Variants in GCM1 observed in about 807,000 individuals in gnomAD.
The protein encoded by GCM1 is GCM transcription factor 1.
In GCM1, 2 loss-of-function variants were observed where a neutral mutation model predicts 25.7. The observed-to-expected ratio is 0.08, with a 90% confidence interval of 0.03 to 0.24. The LOEUF is 0.24. GCM1 is among the 10% of genes least tolerant of loss of function. The probability of loss-of-function intolerance (pLI) is 1.00; values close to 1 mark genes in which losing one functional copy is unlikely to be tolerated. For synonymous variants in GCM1, 183 were observed against 195.7 expected (o/e 0.94, Z 0.54); for missense variants, 395 against 538.7 (o/e 0.73, Z 2.64).
chr6:53,131,082 G>T, intron 4 of GCM1, 151 bp from the exon 5 acceptor site: 1 of 696,056 alleles, frequency 1.4e-6, no homozygotes, highest in East Asian at 2.6e-5. Context: ...CTCTGAAGGC[G>T]CTCCCAAGCC....
chr6:53,144,912 C>A (rs1301004261), intron 2 of GCM1, among the ~76,000 whole-genome samples: 3 of 72,862 alleles, frequency 4.1e-5, no homozygotes, highest in African/African-American at 1.5e-4. Flanking sequence ...CAGACCCTAC[C>A]TCAAAAAAAA....
chr6:53,142,000 G>GGAAAAAAAAAAAAAAAAAAA lies in GCM1; in HGVS notation c.75+3557_75+3558insTTTTTTTTTTTTTTTTTTTC, dbSNP rs1259951702. Among the ~76,000 whole-genome samples, 10 of 12,292 alleles carry GGAAAAAAAAAAAAAAAAAAA rather than the reference G, an allele frequency of 8.1e-4. 2 individuals are homozygous for GGAAAAAAAAAAAAAAAAAAA. The highest frequency in any genetic ancestry group is 1.3e-3 in the Non-Finnish European group (8 of 5,940). 8.1% of individuals were successfully genotyped at this position (12,292 alleles called of 152,430 possible). ...GCTTGGGTAATGAGAGTGAGACCCTGAAAAAAAAAAAAAAAAAAAAAAAAA... is the reference window on the plus strand; with the variant it reads ...GCTTGGGTAATGAGAGTGAGACCCTGGAAAAAAAAAAAAAAAAAAAAAAAAAAAAAAAAAAAAAAAAAAAA... On this transcript the variant is annotated intron_variant, in intron 2 of 5. Transcript: ENST00000259803.
intron 4 of GCM1, 116 bp from the exon 5 acceptor site, chr6:53,131,047 C>T: frequency 1.1e-6 from 1 of 917,700 alleles, no homozygotes; most frequent in Non-Finnish European, 1.7e-6. Flanking sequence ...GTTGCAGTTG[C>T]CTATGGTAAC....
intron 5 of GCM1, among the ~76,000 whole-genome samples, 180 bp downstream of exon 5, chr6:53,130,623 G>A (rs1763710136): frequency 6.6e-6 from 1 of 152,162 alleles, no homozygotes; most frequent in South Asian, 2.1e-4. Context: ...TACAAAGATG[G>A]TAGAAAGTAA....
intron 1 of GCM1, among the ~76,000 whole-genome samples, chr6:53,146,229 T>A (rs201717479): frequency 8.7e-5 from 8 of 92,224 alleles, no homozygotes; most frequent in African/African-American, 4.1e-4. Context: ...TTTTTTTTTT[T>A]TTTTTTTTGA....
At chr6:53,141,831 C>T (rs76195778) in intron 2 of GCM1, among the ~76,000 whole-genome samples, 1 of 150,672 alleles carries the variant, frequency 6.6e-6, no homozygotes, top group Non-Finnish European at 1.5e-5. Context: ...TGGCAAAACC[C>T]CATCTCTACT....
At position 53,141,928 on chromosome 6, in the gene GCM1, C is replaced by A. The variant is rs181075200; in HGVS notation, c.75+3630G>T. ...CTGGGTTGAGAGAATCACCTAAGCC[C>A]GGGAATTCAAGGCTGTGGTGAGCTA... On this transcript the variant is annotated intron_variant, in intron 2 of 5. Transcript: ENST00000259803. Among the ~76,000 whole-genome samples the A allele has an allele frequency of 1.8e-3, 239 of 132,254 alleles. 1 individual carries two copies. The highest frequency in any genetic ancestry group is 6.6e-3 in the African/African-American group (236 of 35,772). 86.8% of individuals were successfully genotyped at this position (132,254 alleles called of 152,430 possible). A position where few individuals can be genotyped will look rare whatever the true frequency, so the allele number is the denominator to read the frequency against.
intron 3 of GCM1, among the ~76,000 whole-genome samples, chr6:53,132,673 A>G (rs1487198790): frequency 1.3e-5 from 2 of 152,210 alleles, no homozygotes; most frequent in African/African-American, 2.4e-5. Context: ...GATGGCACCA[A>G]TGCATGCCAG....
intron 2 of GCM1, among the ~76,000 whole-genome samples, chr6:53,140,525 T>A (rs1763858570): frequency 1.7e-5 from 1 of 60,204 alleles, no homozygotes; most frequent in African/African-American, 5.9e-5. Flanking sequence ...GAATGTTCTC[T>A]CTACCAAAAA....
Position 53,145,561 on chromosome 6 carries a change from T to C in GCM1, c.72A>G (p.Pro24=), listed in dbSNP as rs374427292. The C allele has an allele frequency of 2.2e-5, 33 of 1,495,148 alleles. No homozygotes were observed. The Admixed American group carries it at 5.5e-4, about 25-fold the overall frequency. The allele number at this position is 1,495,148 out of a possible 1,614,324, so 92.6% of individuals were successfully genotyped here. A position where few individuals can be genotyped will look rare whatever the true frequency, so the allele number is the denominator to read the frequency against. The change falls in exon 2 of 6, where the codon CCA becomes CCG. Residue 24 remains proline, a synonymous_variant. Transcript: ENST00000259803. ...LSWDINDVKL[P]QNVKKTDWFQ... ...GATTTTTATAGCAAGTACATACCTG[T>C]GGCAGTTTCACATCATTAATATCCC...
intron 1 of GCM1, among the ~76,000 whole-genome samples, chr6:53,148,021 T>A (rs1763990135): frequency 6.6e-6 from 1 of 152,200 alleles, no homozygotes; most frequent in African/African-American, 2.4e-5. Flanking sequence ...AACCTAGTGG[T>A]TGCAGAGCAC....
intron 2 of GCM1, among the ~76,000 whole-genome samples, chr6:53,144,840 G>A (rs960059668): frequency 2.0e-5 from 3 of 150,956 alleles, no homozygotes; most frequent in African/African-American, 4.9e-5. Flanking sequence ...ACTTGAACTC[G>A]GGAGGCTGAG....
intron 1 of GCM1, among the ~76,000 whole-genome samples, chr6:53,147,435 T>G (rs1489613832): frequency 1.3e-5 from 2 of 148,926 alleles, no homozygotes; most frequent in South Asian, 4.3e-4. Context: ...GTTTTTTTTT[T>G]TTTTTTTTTT....
chr6:53,146,329 C>T (rs9474404), intron 1 of GCM1, among the ~76,000 whole-genome samples: 16,843 of 150,226 alleles, frequency 0.11, 2,115 homozygotes, highest in African/African-American at 0.32. Context: ...AAGCAACTCT[C>T]CTGCCTCAGC....
In GCM1 at chr6:53,134,021, G is replaced by A. The variant is rs374316713; in HGVS notation, c.328+51C>T. ...GGGACACAGTGACCCATCTGGCAGG[G>A]GCATCTGAGGGATGCCAGCTTTTTT... On this transcript the variant is annotated intron_variant, in intron 3 of 5. Transcript: ENST00000259803. 7 of 1,556,812 alleles carry A rather than the reference G, an allele frequency of 4.5e-6. No individual in the cohort carries two copies. The African/African-American group carries it at 9.4e-5, about 21-fold the overall frequency.
rs527617768 is a variant in GCM1 at position 53,145,815 on chromosome 6, A to C, written c.-136-47T>G. The C allele has an allele frequency of 4.9e-5, 25 of 505,252 alleles. No individual in the cohort carries two copies. In the South Asian group the frequency reaches 7.7e-4, roughly 15 times the overall value. The allele number at this position is 505,252 out of a possible 1,614,324, so 31.3% of individuals were successfully genotyped here. A position where few individuals can be genotyped will look rare whatever the true frequency, so the allele number is the denominator to read the frequency against. On this transcript the variant is annotated intron_variant, in intron 1 of 5. Transcript: ENST00000259803. ...GTATTGGCCATTAAAGAGATTTAAA[A>C]AAAAACCCCAATGCTCCTCTGCCAG...
Position 53,128,449 on chromosome 6 carries a change from C to A in GCM1, c.1068G>T (p.Trp356Cys), listed in dbSNP as rs1307702284. 6.2e-7 allele frequency: 1 copy of A among 1,613,898 alleles called. No homozygotes were observed. Among genetic ancestry groups the A allele is most frequent in the Non-Finnish European group, 8.5e-7 (1 of 1,179,964 alleles). The change falls in exon 6 of 6, where the codon TGG becomes TGT. Residue 356 changes from tryptophan to cysteine, a missense_variant. Transcript: ENST00000259803. Reference protein sequence around the residue: ...PAAKTGCPPLWPNPAGNLYEE... With the variant: ...PAAKTGCPPLCPNPAGNLYEE... ...CATAAAGATTACCCGCTGGATTTGG[C>A]CATAATGGGGGACAGCCAGTTTTGG...
At chr6:53,140,735 C>G (rs896484205) in intron 2 of GCM1, among the ~76,000 whole-genome samples, 1 of 152,052 alleles carries the variant, frequency 6.6e-6, no homozygotes, top group Non-Finnish European at 1.5e-5. Context: ...TCTCCTCTTG[C>G]TAGTGAAATG....
chr6:53,136,184 C>A (rs954335755), intron 2 of GCM1, among the ~76,000 whole-genome samples: 1 of 152,226 alleles, frequency 6.6e-6, no homozygotes, highest in African/African-American at 2.4e-5. Context: ...CTGCCCATTG[C>A]CTGCTTTTGT....
Sources: gnomAD v4.1 joint callset for allele counts (sites outside exome capture counted in the v4.1 genomes callset) on GRCh38, gnomAD v4.1.1 for gene constraint, MANE v1.5 for transcripts, NCBI Gene and HGNC (gene_info 2026-07-23, HGNC 2026-07-21) for gene names.